The following ZNF277 variants were observed in gnomAD, a reference collection of about 807,000 sequenced individuals.
The protein encoded by ZNF277 is zinc finger protein 277.
In ZNF277, 55 loss-of-function variants were observed where a neutral mutation model predicts 60.7. The ratio of observed to expected loss-of-function variants is 0.91; its 90% confidence interval spans 0.73 to 1.13. ZNF277 has a LOEUF of 1.13. Among genes scored for constraint, ZNF277 ranks in the 50% most tolerant of loss-of-function variants. The probability of loss-of-function intolerance (pLI) is 0.00; values close to 1 mark genes in which losing one functional copy is unlikely to be tolerated. For synonymous variants in ZNF277, 178 were observed against 179.3 expected, an observed-to-expected ratio of 0.99 and a Z score of 0.06; for missense variants, 510 against 523.0, an observed-to-expected ratio of 0.98 and a Z score of 0.24.
intron 4 of ZNF277, among the ~76,000 whole-genome samples, chr7:112,311,591 C>A (rs1351165268): frequency 1.3e-5 from 2 of 151,864 alleles, no homozygotes; most frequent in Admixed American, 6.6e-5. Flanking sequence ...TCGATTTGCA[C>A]ATCTTTGTGG....
intron 1 of ZNF277, among the ~76,000 whole-genome samples, chr7:112,212,089 A>T (rs1821763539): frequency 6.6e-6 from 1 of 152,264 alleles, no homozygotes; most frequent in Non-Finnish European, 1.5e-5. Flanking sequence ...TATTCTGTCA[A>T]GGTGATCATA....
intron 1 of ZNF277, among the ~76,000 whole-genome samples, chr7:112,208,344 A>C (rs994834829): frequency 6.6e-6 from 1 of 152,162 alleles, no homozygotes; most frequent in Admixed American, 6.5e-5. Flanking sequence ...ACTGCACTCC[A>C]GCCTGGGAGG....
intron 5 of ZNF277, among the ~76,000 whole-genome samples, chr7:112,321,073 A>C (rs1197909738): frequency 1.3e-5 from 2 of 150,630 alleles, no homozygotes; most frequent in East Asian, 1.9e-4. Flanking sequence ...AGGCGCCCGC[A>C]ACCACGCCCG....
chr7:112,281,707 A>G (rs1791948278), intron 1 of ZNF277, among the ~76,000 whole-genome samples: 1 of 152,112 alleles, frequency 6.6e-6, no homozygotes, highest in South Asian at 2.1e-4. Context: ...ACTTTCCTAG[A>G]AACTGAGTAC....
At chr7:112,228,738 A>T (rs1234432555) in intron 1 of ZNF277, among the ~76,000 whole-genome samples, 1 of 152,112 alleles carries the variant, frequency 6.6e-6, no homozygotes, top group Admixed American at 6.5e-5. Context: ...TAGTTGACAG[A>T]TCACTATAAA....
Position 112,215,381 on chromosome 7 carries a change from G to A in ZNF277, c.91+8574G>A, listed in dbSNP as rs575732404. 1.1e-4 allele frequency among the ~76,000 whole-genome samples: 16 copies of A among 152,272 alleles called. No individual in the cohort carries two copies. The East Asian group carries it at 1.5e-3, about 15-fold the overall frequency. On this transcript the variant is annotated intron_variant, in intron 1 of 11. Coordinates refer to ENST00000361822, the MANE Select transcript of ZNF277 (RefSeq NM_021994.3). ...AATATACCTTTAACCTCATCCTCTG[G>A]GACAGTGTCATGTTGTGATGGCATT...
intron 1 of ZNF277, among the ~76,000 whole-genome samples, chr7:112,256,421 G>GTTTTTT (rs779126085): frequency 4.2e-5 from 4 of 95,394 alleles, no homozygotes; most frequent in Non-Finnish European, 6.0e-5. Flanking sequence ...CTTCTTTGGA[G>GTTTTTT]TTTTTTTTTT....
At chr7:112,236,208 T>G (rs541372594) in intron 1 of ZNF277, among the ~76,000 whole-genome samples, 2 of 152,096 alleles carry the variant, frequency 1.3e-5, no homozygotes, top group Non-Finnish European at 2.9e-5. Flanking sequence ...TCAAGATATC[T>G]TTGACATAAC....
chr7:112,228,782 G>T (rs1454845275), intron 1 of ZNF277, among the ~76,000 whole-genome samples: 1 of 152,006 alleles, frequency 6.6e-6, no homozygotes, highest in Non-Finnish European at 1.5e-5. Context: ...CTGAAATTTG[G>T]TCTTATCCAA....
chr7:112,310,454 TGA>T (rs377447375), intron 4 of ZNF277, among the ~76,000 whole-genome samples: 179 of 116,622 alleles, frequency 1.5e-3, no homozygotes, highest in Middle Eastern at 4.3e-3. Context: ...AGGTTAGGTT[TGA>T]GAGAGAGAGA....
chr7:112,250,981 T>C (rs753223108), intron 1 of ZNF277, among the ~76,000 whole-genome samples: 8 of 152,326 alleles, frequency 5.3e-5, no homozygotes, highest in Middle Eastern at 6.8e-3. Context: ...TCAACAAATA[T>C]CAACTTTTAT....
intron 1 of ZNF277, among the ~76,000 whole-genome samples, chr7:112,208,269 G>A (rs931786548): frequency 6.6e-6 from 1 of 152,086 alleles, no homozygotes; most frequent in African/African-American, 2.4e-5. Context: ...CAGCTACTCG[G>A]GAGGCCGAGG....
Position 112,253,073 on chromosome 7 carries a change from G to A in ZNF277, c.92-33800G>A, listed in dbSNP as rs866947588. On this transcript the variant is annotated intron_variant, in intron 1 of 11. Coordinates refer to ENST00000361822, the MANE Select transcript of ZNF277 (RefSeq NM_021994.3). Reference sequence around the variant, plus strand: ...AGCAGGTATGTTTAACAAGGAATGCGCAGGGAAAAGGTAAATAGGATTTTG... The same window carrying A: ...AGCAGGTATGTTTAACAAGGAATGCACAGGGAAAAGGTAAATAGGATTTTG... Among the ~76,000 whole-genome samples the A allele has an allele frequency of 7.2e-5, 11 of 152,164 alleles. No homozygotes were observed. The South Asian group carries it at 1.9e-3, about 26-fold the overall frequency.
chr7:112,231,933 C>G (rs1227128048), intron 1 of ZNF277, among the ~76,000 whole-genome samples: 1 of 151,498 alleles, frequency 6.6e-6, no homozygotes, highest in Non-Finnish European at 1.5e-5. Context: ...ATAGTATTTT[C>G]TACTTCATGA....
Position 112,340,960 on chromosome 7 carries a change from CA to C in ZNF277, c.1101del (p.Lys367AsnfsTer6). The C allele has an allele frequency of 6.2e-7, 1 of 1,612,694 alleles. No individual in the cohort carries two copies. Among genetic ancestry groups the C allele is most frequent in the Non-Finnish European group, 8.5e-7 (1 of 1,179,550 alleles). On this transcript the variant is annotated frameshift_variant, in exon 11 of 12. Coordinates refer to ENST00000361822, the MANE Select transcript of ZNF277 (RefSeq NM_021994.3). LOFTEE classifies it high-confidence loss of function. ...CRCYGCHVKF[K>X]SKADLRTHME... ...GATGTTATGGCTGCCATGTGAAGTTCAAATCCAAAGCAGACTTAAGAACTCA... is the reference window on the plus strand; with the variant it reads ...GATGTTATGGCTGCCATGTGAAGTTCAATCCAAAGCAGACTTAAGAACTCA...
Position 112,337,769 on chromosome 7 carries a change from C to T in ZNF277, c.909C>T (p.Val303=). The stretch of plus-strand genomic sequence containing the variant: ...GGGAAGAACACCCTGCCTCTGCAGT[C>T]TGCTTATTTTGTGAAAAGCAAGCAG... ...SDWEEHPASA[V]CLFCEKQAET... Residue 303 remains valine (V), a synonymous_variant, in exon 9 of 12, where the codon GTC becomes GTT. Coordinates refer to ENST00000361822, the MANE Select transcript of ZNF277 (RefSeq NM_021994.3). 1 of 1,612,698 alleles carries T rather than the reference C, an allele frequency of 6.2e-7. No individual in the cohort carries two copies. Among genetic ancestry groups the T allele is most frequent in the African/African-American group, 1.3e-5 (1 of 75,038 alleles).
At chr7:112,223,912 A>G (rs141430860) in intron 1 of ZNF277, among the ~76,000 whole-genome samples, 257 of 152,358 alleles carry the variant, frequency 1.7e-3, no homozygotes, top group African/African-American at 5.7e-3. Context: ...GTCAGAGCAT[A>G]GCTGACTCCT....
chr7:112,211,670 G>A (rs1821752539), intron 1 of ZNF277, among the ~76,000 whole-genome samples: 1 of 152,138 alleles, frequency 6.6e-6, no homozygotes, highest in Admixed American at 6.5e-5. Context: ...GTGTAATTCT[G>A]CTACATGTAT....
intron 1 of ZNF277, among the ~76,000 whole-genome samples, chr7:112,229,786 G>A (rs1013068893): frequency 6.6e-6 from 1 of 152,210 alleles, no homozygotes; most frequent in Non-Finnish European, 1.5e-5. Flanking sequence ...CACTGAAGCA[G>A]CAAGTTAATT....
Sources: allele counts gnomAD v4.1 joint callset (sites outside exome capture counted in the v4.1 genomes callset), GRCh38; gene constraint gnomAD v4.1.1; transcripts MANE v1.5; gene names NCBI Gene and HGNC (gene_info 2026-07-23, HGNC 2026-07-21).